The following ST6GALNAC5 variants were observed in gnomAD, a reference collection of about 807,000 sequenced individuals.
ST6GALNAC5 encodes ST6 N-acetylgalactosaminide alpha-2,6-sialyltransferase 5.
A neutral mutation model predicts 33.6 loss-of-function variants in ST6GALNAC5; 27 were observed. The observed-to-expected ratio is 0.80, with a 90% CI of 0.59 to 1.11. The LOEUF (loss-of-function observed/expected upper bound fraction) is 1.11, where lower values mean the gene tolerates loss of function less well. Among genes scored for constraint, ST6GALNAC5 ranks in the 50% least tolerant of loss-of-function variants. The pLI, the probability that ST6GALNAC5 is intolerant of heterozygous loss-of-function variation, is 0.00. For synonymous variants in ST6GALNAC5, 194 were observed against 171.2 expected (o/e 1.13, Z -1.04); for missense variants, 428 against 454.0 (o/e 0.94, Z 0.52).
intron 2 of ST6GALNAC5, among the ~76,000 whole-genome samples, chr1:77,028,193 A>T (rs941400292): frequency 1.4e-4 from 22 of 152,236 alleles, no homozygotes; most frequent in African/African-American, 5.3e-4. Flanking sequence ...ACTGAAACCT[A>T]AGGCATGTCC....
chr1:76,895,102 G>A (rs1015961256), intron 2 of ST6GALNAC5, among the ~76,000 whole-genome samples: 8 of 152,152 alleles, frequency 5.3e-5, no homozygotes, highest in African/African-American at 2.4e-5. Context: ...GCAGGAACAG[G>A]CCATTTTCAC....
At chr1:77,051,856 T>A (rs1162204729) in intron 4 of ST6GALNAC5, among the ~76,000 whole-genome samples, 2 of 152,152 alleles carry the variant, frequency 1.3e-5, no homozygotes, top group East Asian at 3.9e-4. Flanking sequence ...GATATAATTA[T>A]GCAATATTGC....
At chr1:76,927,604 T>C (rs17099717) in intron 2 of ST6GALNAC5, among the ~76,000 whole-genome samples, 3,526 of 152,260 alleles carry the variant, frequency 0.023, 144 homozygotes, top group African/African-American at 0.081. Flanking sequence ...CAGAGAACTA[T>C]AGCACATTCA....
In ST6GALNAC5 at chr1:76,999,939, C is replaced by T. The variant is rs1227323324; in HGVS notation, c.262-44265C>T. On this transcript the variant is annotated intron_variant, in intron 2 of 4. Transcript: ENST00000477717. ...AAGTCTTTGCTATTGTGAATAATGC[C>T]GCAATAAACATACGTGTGCATGTGT... 7.7e-5 allele frequency among the ~76,000 whole-genome samples: 9 copies of T among 117,614 alleles called. 1 individual carries two copies. Among genetic ancestry groups the T allele is most frequent in the Non-Finnish European group, 9.9e-5 (5 of 50,476 alleles). 77.2% of individuals were successfully genotyped at this position (117,614 alleles called of 152,430 possible).
chr1:77,064,740 G>A lies in ST6GALNAC5; in HGVS notation c.*1534G>A, dbSNP rs1465422150. 1 of 152,014 alleles carries A rather than the reference G, an allele frequency of 6.6e-6. No homozygotes were observed. The highest frequency in any genetic ancestry group is 2.1e-4 in the South Asian group (1 of 4,802). The allele number at this position is 152,014 out of a possible 1,614,324, so 9.4% of individuals were successfully genotyped here. On this transcript the variant is annotated 3_prime_UTR_variant, in exon 5 of 5. Coordinates refer to ENST00000477717, the MANE Select transcript of ST6GALNAC5 (RefSeq NM_030965.3). Reference sequence around the variant, plus strand: ...GTTTTCTTTACACATGACTTAGAAGGCATTAGTTTCTCTAATGCCAAATTT... The same window carrying A: ...GTTTTCTTTACACATGACTTAGAAGACATTAGTTTCTCTAATGCCAAATTT...
At chr1:76,887,622 GA>G (rs1432167749) in intron 2 of ST6GALNAC5, among the ~76,000 whole-genome samples, 2 of 152,048 alleles carry the variant, frequency 1.3e-5, no homozygotes, top group African/African-American at 4.8e-5. Flanking sequence ...CTTCATTTAG[GA>G]AAGATTTTCA....
chr1:76,984,075 G>C (rs996313401), intron 2 of ST6GALNAC5, among the ~76,000 whole-genome samples: 1 of 152,186 alleles, frequency 6.6e-6, no homozygotes, highest in African/African-American at 2.4e-5. Context: ...ATCTAAAATT[G>C]ACACCCTAAC....
chr1:77,017,615 G>T (rs970595665), intron 2 of ST6GALNAC5, among the ~76,000 whole-genome samples: 1 of 152,186 alleles, frequency 6.6e-6, no homozygotes, highest in Non-Finnish European at 1.5e-5. Flanking sequence ...AAATGACAAA[G>T]CTCCTCATTT....
chr1:77,063,388 C>T lies in ST6GALNAC5; in HGVS notation c.*182C>T, dbSNP rs951823188. On this transcript the variant is annotated 3_prime_UTR_variant, in exon 5 of 5. Transcript: ENST00000477717. ...GCAGTTGGATTGTAAGGAAAAATTC[C>T]GGAATTAATGCATCCTAATGAATGT... is the stretch of plus-strand genomic sequence containing the variant. 2.8e-5 allele frequency: 17 copies of T among 601,090 alleles called. No homozygotes were observed. The highest frequency in any genetic ancestry group is 8.4e-5 in the East Asian group (3 of 35,760). 37.2% of individuals were successfully genotyped at this position (601,090 alleles called of 1,614,324 possible). A position where few individuals can be genotyped will look rare whatever the true frequency, so the allele number is the denominator to read the frequency against.
At position 76,962,538 on chromosome 1, in the gene ST6GALNAC5, A is replaced by G. The variant is rs1191650082; in HGVS notation, c.262-81666A>G. Among the ~76,000 whole-genome samples, 3 of 152,354 alleles carry G rather than the reference A, an allele frequency of 2.0e-5. No homozygotes were observed. In the South Asian group the frequency reaches 6.2e-4, roughly 32 times the overall value. ...GATTTGGAAAATTCCAAGTAAATTT[A>G]TGAAGGGTTTTTCAATAGCAACAAA... On this transcript the variant is annotated intron_variant, in intron 2 of 4. Transcript: ENST00000477717.
At chr1:76,929,432 G>A (rs1256787705) in intron 2 of ST6GALNAC5, among the ~76,000 whole-genome samples, 1 of 152,088 alleles carries the variant, frequency 6.6e-6, no homozygotes, top group Non-Finnish European at 1.5e-5. Flanking sequence ...CCATCTACTT[G>A]GGAGGCTGAG....
intron 2 of ST6GALNAC5, among the ~76,000 whole-genome samples, chr1:76,883,185 A>C (rs1041529437): frequency 2.0e-5 from 3 of 152,232 alleles, no homozygotes; most frequent in African/African-American, 7.2e-5. Context: ...AGTGGAGGAA[A>C]TAAATGTTAT....
chr1:76,887,167 T>C (rs1339308486), intron 2 of ST6GALNAC5, among the ~76,000 whole-genome samples: 1 of 152,174 alleles, frequency 6.6e-6, no homozygotes, highest in Non-Finnish European at 1.5e-5. Context: ...AGAAATTTCT[T>C]TATAAGGGAG....
At chr1:77,020,373 T>A (rs1380732623) in intron 2 of ST6GALNAC5, among the ~76,000 whole-genome samples, 1 of 152,152 alleles carries the variant, frequency 6.6e-6, no homozygotes, top group Non-Finnish European at 1.5e-5. Context: ...GCTTATGCCA[T>A]GCTTTTGTTT....
At chr1:76,946,839 TG>T (rs1209918144) in intron 2 of ST6GALNAC5, among the ~76,000 whole-genome samples, 7 of 152,122 alleles carry the variant, frequency 4.6e-5, no homozygotes, top group African/African-American at 1.7e-4. Context: ...TTCAAATAGG[TG>T]TGCCTATTCC....
chr1:76,968,085 C>A (rs143551015), intron 2 of ST6GALNAC5, among the ~76,000 whole-genome samples: 1,703 of 152,180 alleles, frequency 0.011, 30 homozygotes, highest in African/African-American at 0.039. Context: ...AGTTCTGTAG[C>A]TGTCTATTAG....
chr1:76,995,267 A>C (rs752061827), intron 2 of ST6GALNAC5, among the ~76,000 whole-genome samples: 8 of 152,134 alleles, frequency 5.3e-5, no homozygotes, highest in Non-Finnish European at 8.8e-5. Flanking sequence ...ACACAGTGGC[A>C]CATGCCTGTA....
intron 2 of ST6GALNAC5, among the ~76,000 whole-genome samples, chr1:77,038,186 C>T (rs930905667): frequency 3.3e-5 from 5 of 152,174 alleles, no homozygotes; most frequent in African/African-American, 9.7e-5. Context: ...GATGAGGTGG[C>T]ATTCACTGGG....
In ST6GALNAC5 at chr1:77,036,588, C is replaced by T. The variant is rs971272523; in HGVS notation, c.262-7616C>T. Among the ~76,000 whole-genome samples the T allele has an allele frequency of 5.3e-5, 8 of 152,142 alleles. No homozygotes were observed. In the South Asian group the frequency reaches 1.7e-3, roughly 32 times the overall value. ...CTTTAGAAAATATTATCCTAGTTAC[C>T]CAGTCAGAAAAGATCAGGAACTGCT... On this transcript the variant is annotated intron_variant, in intron 2 of 4. Coordinates refer to ENST00000477717, the MANE Select transcript of ST6GALNAC5 (RefSeq NM_030965.3).
Sources: allele counts gnomAD v4.1 joint callset (sites outside exome capture counted in the v4.1 genomes callset), GRCh38; gene constraint gnomAD v4.1.1; transcripts MANE v1.5; gene names NCBI Gene and HGNC (gene_info 2026-07-23, HGNC 2026-07-21).